Variants in ABLIM1 observed in about 807,000 individuals in gnomAD.
ABLIM1 encodes the protein actin binding LIM protein 1.
In ABLIM1, 40 loss-of-function variants were observed where a neutral mutation model predicts 107.0. The observed-to-expected ratio is 0.37, with a 90% CI of 0.29 to 0.49. ABLIM1 has a LOEUF of 0.49. ABLIM1 is among the 20% of genes least tolerant of loss of function. The probability of loss-of-function intolerance (pLI) is 0.97; values close to 1 mark genes in which losing one functional copy is unlikely to be tolerated. For synonymous variants in ABLIM1, 357 were observed against 357.3 expected (o/e 1.00, Z 0.01); for missense variants, 857 against 1,008.5 (o/e 0.85, Z 2.04).
intron 6 of ABLIM1, among the ~76,000 whole-genome samples, chr10:114,541,117 C>A (rs1041720343): frequency 6.6e-6 from 1 of 152,010 alleles, no homozygotes; most frequent in African/African-American, 2.4e-5. Flanking sequence ...TGGGAGGCTG[C>A]CACAAGTCAA....
intron 4 of ABLIM1, among the ~76,000 whole-genome samples, chr10:114,552,491 G>GAAAAAAAAAAAAAAAAAAAAAA: frequency 8.3e-6 from 1 of 120,658 alleles, no homozygotes; most frequent in African/African-American, 3.0e-5. Context: ...ACCTAACATG[G>GAAAAAAAAAAAAAAAAAAAAAA]AAAAAAAAAA....
upstream of ABLIM1, among the ~76,000 whole-genome samples, chr10:114,771,122 C>T (rs2083019315): frequency 9.4e-6 from 1 of 106,556 alleles, no homozygotes; most frequent in Non-Finnish European, 2.0e-5. Flanking sequence ...TGAGCCACCG[C>T]ACCCGGCCTA....
At chr10:114,728,033 C>T (rs1177448638) in intron 1 of ABLIM1, among the ~76,000 whole-genome samples, 2 of 152,064 alleles carry the variant, frequency 1.3e-5, no homozygotes, top group Non-Finnish European at 2.9e-5. Flanking sequence ...ACAAACAACA[C>T]CTACAAGTCA....
At chr10:114,770,459 GATAAT>G (rs201164579), upstream of ABLIM1, among the ~76,000 whole-genome samples, 986 of 152,168 alleles carry the variant, frequency 6.5e-3, 10 homozygotes, top group African/African-American at 0.022. Flanking sequence ...TTCTCAACAA[GATAAT>G]ATGTTTCCTG....
chr10:114,564,102 T>C (rs1473730539), intron 4 of ABLIM1, among the ~76,000 whole-genome samples: 1 of 151,492 alleles, frequency 6.6e-6, no homozygotes, highest in African/African-American at 2.4e-5. Context: ...GAACATTGTT[T>C]TCATCTGGTC....
rs1212554262 is a variant in ABLIM1 at position 114,434,045 on chromosome 10, C to T, written c.*2215G>A. 2 of 152,214 alleles carry T rather than the reference C, an allele frequency of 1.3e-5. No individual in the cohort carries two copies. The highest frequency in any genetic ancestry group is 2.9e-5 in the Non-Finnish European group (2 of 68,052). 9.4% of individuals were successfully genotyped at this position (152,214 alleles called of 1,614,324 possible). On this transcript the variant is annotated 3_prime_UTR_variant, in exon 23 of 23. Coordinates refer to ENST00000533213, the MANE Select transcript of ABLIM1 (RefSeq NM_002313.7). Reference sequence around the variant, plus strand: ...TGGAAATGCACCATCCTCTCCATCCCCACACTTTCCAGAGTAAAGCAAGGA... The same window carrying T: ...TGGAAATGCACCATCCTCTCCATCCTCACACTTTCCAGAGTAAAGCAAGGA...
intron 4 of ABLIM1, among the ~76,000 whole-genome samples, chr10:114,566,038 G>A (rs9421186): frequency 0.26 from 39,577 of 151,908 alleles, 5,906 homozygotes; most frequent in African/African-American, 0.4. Flanking sequence ...CTTGTGATCC[G>A]CCTGCCTCGG....
At chr10:114,522,725 C>A (rs190375352) in intron 6 of ABLIM1, among the ~76,000 whole-genome samples, 1 of 152,186 alleles carries the variant, frequency 6.6e-6, no homozygotes, top group Non-Finnish European at 1.5e-5. Context: ...CCAGGCTTGG[C>A]GAATAATAAA....
intron 6 of ABLIM1, among the ~76,000 whole-genome samples, chr10:114,538,013 T>A (rs999521616): frequency 6.6e-6 from 1 of 152,252 alleles, no homozygotes; most frequent in Non-Finnish European, 1.5e-5. Context: ...GGATAACCTA[T>A]GTTTTGCTCA....
chr10:114,597,053 G>T (rs560366694), intron 2 of ABLIM1, among the ~76,000 whole-genome samples: 1 of 152,210 alleles, frequency 6.6e-6, no homozygotes, highest in East Asian at 1.9e-4. Flanking sequence ...CAAAAGCCCG[G>T]GCTTGTTTTG....
intron 14 of ABLIM1, among the ~76,000 whole-genome samples, chr10:114,449,688 T>G (rs1589782816): frequency 6.6e-6 from 1 of 152,330 alleles, no homozygotes; most frequent in Non-Finnish European, 1.5e-5. Flanking sequence ...AATCCCCTTC[T>G]TAAAGATGGA....
At chr10:114,673,681 A>G (rs2080355962) in intron 1 of ABLIM1, among the ~76,000 whole-genome samples, 1 of 152,162 alleles carries the variant, frequency 6.6e-6, no homozygotes, top group Non-Finnish European at 1.5e-5. Flanking sequence ...ATTATCCTAT[A>G]TATTTTCTCA....
At chr10:114,475,879 A>G (rs762554558) in intron 8 of ABLIM1, among the ~76,000 whole-genome samples, 3 of 152,170 alleles carry the variant, frequency 2.0e-5, no homozygotes, top group Non-Finnish European at 4.4e-5. Flanking sequence ...TGTTGCAGCC[A>G]TTTCCTAAAG....
rs759510427 is a variant in ABLIM1, at chr10:114,534,891, A to G, written c.894+10114T>C. Reference sequence around the variant, plus strand: ...TGACAGGAAATGGGGTGATTTTTCCATAAATATTAAATCTTTACTGCATGG... The same window carrying G: ...TGACAGGAAATGGGGTGATTTTTCCGTAAATATTAAATCTTTACTGCATGG... On this transcript the variant is annotated intron_variant, in intron 6 of 22. Transcript: ENST00000533213. Among the ~76,000 whole-genome samples the G allele has an allele frequency of 5.3e-5, 8 of 152,252 alleles. No homozygotes were observed. In the East Asian group the frequency reaches 5.8e-4, roughly 11 times the overall value.
chr10:114,620,702 G>A (rs972269674), intron 1 of ABLIM1, among the ~76,000 whole-genome samples: 1 of 152,138 alleles, frequency 6.6e-6, no homozygotes, highest in South Asian at 2.1e-4. Flanking sequence ...ATGAGCCACT[G>A]TGCCTGGCCA....
intron 1 of ABLIM1, among the ~76,000 whole-genome samples, chr10:114,606,462 T>C (rs1317652338): frequency 6.6e-6 from 1 of 152,064 alleles, no homozygotes; most frequent in Non-Finnish European, 1.5e-5. Context: ...TCTTGATCTC[T>C]TGACCTTGTG....
intron 1 of ABLIM1, among the ~76,000 whole-genome samples, chr10:114,758,667 C>T (rs879453155): frequency 1.3e-5 from 2 of 152,190 alleles, no homozygotes; most frequent in Non-Finnish European, 2.9e-5. Flanking sequence ...CGTTTCCCTT[C>T]ATTGTTACCA....
intron 22 of ABLIM1, among the ~76,000 whole-genome samples, chr10:114,437,214 C>A (rs976612935): frequency 2.6e-5 from 4 of 152,136 alleles, no homozygotes; most frequent in Non-Finnish European, 4.4e-5. Context: ...AATAGCGACT[C>A]CCATTCTGAA....
rs76665027 is a variant in ABLIM1 at position 114,599,996 on chromosome 10, C to A, written c.379+1831G>T. 8.3e-3 allele frequency among the ~76,000 whole-genome samples: 1,269 copies of A among 152,098 alleles called. 8 individuals carry two copies. The highest frequency in any genetic ancestry group is 0.014 in the Non-Finnish European group (945 of 68,006). The stretch of plus-strand genomic sequence containing the variant: ...TAGAAAACATTTTTTCTCTGACATA[C>A]CCCCTAAGAAGCTCTAATTGGGTTC... On this transcript the variant is annotated intron_variant, in intron 2 of 22. Coordinates refer to ENST00000533213, the MANE Select transcript of ABLIM1 (RefSeq NM_002313.7).
Sources: gnomAD v4.1 joint callset for allele counts (sites outside exome capture counted in the v4.1 genomes callset) on GRCh38, gnomAD v4.1.1 for gene constraint, MANE v1.5 for transcripts, NCBI Gene and HGNC (gene_info 2026-07-23, HGNC 2026-07-21) for gene names.